The following CSMD1 variants were observed in gnomAD, a reference collection of about 807,000 sequenced individuals.
CSMD1 encodes CUB and sushi domain-containing protein 1.
Under a neutral mutation model 417.5 loss-of-function variants are expected in CSMD1, and 213 were observed. That is an observed-to-expected ratio of 0.51 (90% confidence interval 0.46 to 0.57). The LOEUF is 0.57. Among genes scored for constraint, CSMD1 ranks in the 20% least tolerant of loss-of-function variants. The pLI is 0.00. For missense variants in CSMD1, 6,923 were observed against 4,529.7 expected (o/e 1.53, Z -15.17); for synonymous variants, 2,862 against 1,736.8 (o/e 1.65, Z -16.11).
chr8:3,102,482 T>C (rs942091786), intron 46 of CSMD1, among the ~76,000 whole-genome samples: 8 of 152,186 alleles, frequency 5.3e-5, no homozygotes, highest in East Asian at 1.9e-4. Flanking sequence ...GTCTGCAGAA[T>C]GCTCCCTGTA....
intron 3 of CSMD1, among the ~76,000 whole-genome samples, chr8:4,137,425 A>C (rs914067603): frequency 1.0e-4 from 8 of 78,992 alleles, no homozygotes; most frequent in African/African-American, 2.3e-4. Flanking sequence ...TGTGTTTAAT[A>C]ATGAAATTAA....
intron 41 of CSMD1, among the ~76,000 whole-genome samples, chr8:3,125,371 G>A (rs1038448229): frequency 1.3e-5 from 2 of 152,220 alleles, no homozygotes; most frequent in African/African-American, 2.4e-5. Flanking sequence ...CCCTCATCAC[G>A]CATGGCCTTC....
chr8:4,628,056 G>C (rs892428464), intron 2 of CSMD1, among the ~76,000 whole-genome samples: 2 of 151,740 alleles, frequency 1.3e-5, no homozygotes, highest in Admixed American at 1.3e-4. Context: ...ACCCCCAGTG[G>C]AGAAAGGCTG....
intron 3 of CSMD1, among the ~76,000 whole-genome samples, chr8:4,126,172 C>T (rs1414311309): frequency 6.6e-6 from 1 of 152,112 alleles, no homozygotes; most frequent in Non-Finnish European, 1.5e-5. Context: ...AAGCCCCCAC[C>T]CACCAAATTA....
chr8:4,008,397 C>G (rs560256198), intron 4 of CSMD1, among the ~76,000 whole-genome samples: 1 of 151,442 alleles, frequency 6.6e-6, no homozygotes, highest in Admixed American at 6.6e-5. Flanking sequence ...TTTTCAGACA[C>G]TAATATGTAT....
At chr8:3,931,044 G>A (rs1393828392) in intron 5 of CSMD1, among the ~76,000 whole-genome samples, 1 of 150,450 alleles carries the variant, frequency 6.6e-6, no homozygotes, top group African/African-American at 2.5e-5. Context: ...AATCTTAACT[G>A]CGGTATGATC....
At chr8:4,097,801 G>A (rs945930568) in intron 3 of CSMD1, among the ~76,000 whole-genome samples, 2 of 152,176 alleles carry the variant, frequency 1.3e-5, no homozygotes, top group Non-Finnish European at 2.9e-5. Context: ...GATTACAAAT[G>A]CTGTGGGTGG....
intron 5 of CSMD1, among the ~76,000 whole-genome samples, chr8:3,970,417 T>G (rs150004725): frequency 6.6e-5 from 10 of 152,172 alleles, no homozygotes; most frequent in Admixed American, 3.3e-4. Flanking sequence ...GGGAACAATA[T>G]GGATTTTATT....
rs1264974172 is a variant in CSMD1, at chr8:4,494,028, TG to T, written c.303-73964del. ...ATATAGGAGAAGACCTCAGAGGCCC[TG>T]GGGGAAGGAACATGAATGGTATTCT... On this transcript the variant is annotated intron_variant, in intron 2 of 69. Transcript: ENST00000635120. Among the ~76,000 whole-genome samples, 3 of 152,176 alleles carry T rather than the reference TG, an allele frequency of 2.0e-5. No individual in the cohort carries two copies. The East Asian group carries it at 5.8e-4, about 29-fold the overall frequency.
At chr8:3,080,804 G>C (rs184185881) in intron 49 of CSMD1, among the ~76,000 whole-genome samples, 4 of 152,262 alleles carry the variant, frequency 2.6e-5, no homozygotes, top group African/African-American at 9.6e-5. Flanking sequence ...GCAGAAAGTA[G>C]GCTTAGGGAG....
At chr8:4,426,871 G>T (rs943840848) in intron 2 of CSMD1, among the ~76,000 whole-genome samples, 1 of 151,508 alleles carries the variant, frequency 6.6e-6, no homozygotes, top group African/African-American at 2.4e-5. Flanking sequence ...ATTCAAAAGT[G>T]GGAAGGGGTA....
intron 5 of CSMD1, among the ~76,000 whole-genome samples, chr8:3,916,154 C>A (rs569381247): frequency 6.6e-6 from 1 of 151,990 alleles, no homozygotes; most frequent in South Asian, 2.1e-4. Flanking sequence ...ATGCTAAATG[C>A]TCTATTACTT....
At chr8:4,414,177 C>G (rs928006788) in intron 3 of CSMD1, among the ~76,000 whole-genome samples, 3 of 152,158 alleles carry the variant, frequency 2.0e-5, no homozygotes, top group Middle Eastern at 3.2e-3. Context: ...GAGTAATAAT[C>G]TAGCTGCTCT....
At chr8:3,310,337 T>C (rs1446658679) in intron 23 of CSMD1, among the ~76,000 whole-genome samples, 2 of 152,262 alleles carry the variant, frequency 1.3e-5, no homozygotes, top group Admixed American at 6.5e-5. Context: ...ATTGTTGTAG[T>C]GTTACTGGGT....
chr8:4,626,898 C>G (rs1221503100), intron 2 of CSMD1, among the ~76,000 whole-genome samples: 3 of 152,104 alleles, frequency 2.0e-5, no homozygotes, highest in African/African-American at 7.2e-5. Context: ...CTTTTCGATT[C>G]TTTATTATTT....
chr8:3,794,698 G>C (rs532285467), intron 5 of CSMD1, among the ~76,000 whole-genome samples: 1 of 152,092 alleles, frequency 6.6e-6, no homozygotes, highest in African/African-American at 2.4e-5. Context: ...CTCACTGCTT[G>C]ACTGTAAACC....
chr8:4,281,881 G>C (rs935201200), intron 3 of CSMD1, among the ~76,000 whole-genome samples: 50 of 152,272 alleles, frequency 3.3e-4, no homozygotes, highest in African/African-American at 1.2e-3. Context: ...TTTTGCAAAT[G>C]ACAAGGCAAA....
intron 2 of CSMD1, among the ~76,000 whole-genome samples, chr8:4,492,115 G>C (rs1032419419): frequency 1.3e-5 from 2 of 152,070 alleles, no homozygotes; most frequent in East Asian, 3.9e-4. Context: ...ATTCTTTTTA[G>C]ATACAGGGTC....
At chr8:4,052,703 T>C (rs1389676006) in intron 3 of CSMD1, among the ~76,000 whole-genome samples, 1 of 152,154 alleles carries the variant, frequency 6.6e-6, no homozygotes, top group African/African-American at 2.4e-5. Flanking sequence ...ATATTTGCTA[T>C]TAATGTTATA....
Sources: gnomAD v4.1 joint callset for allele counts (sites outside exome capture counted in the v4.1 genomes callset) on GRCh38, gnomAD v4.1.1 for gene constraint, MANE v1.5 for transcripts, NCBI Gene and HGNC (gene_info 2026-07-23, HGNC 2026-07-21) for gene names.